The following ADAMTS1 variants were observed in gnomAD, a reference collection of about 807,000 sequenced individuals.
ADAMTS1 encodes ADAM metallopeptidase with thrombospondin type 1 motif 1, also known as A disintegrin and metalloproteinase with thrombospondin motifs 1.
In ADAMTS1, 19 loss-of-function variants were observed where a neutral mutation model predicts 87.9. The ratio of observed to expected loss-of-function variants is 0.22; its 90% CI spans 0.15 to 0.32. The LOEUF is 0.32. ADAMTS1 is among the 10% of genes least tolerant of loss of function. The pLI, the probability that ADAMTS1 is intolerant of heterozygous loss-of-function variation, is 1.00. For synonymous variants in ADAMTS1, 542 were observed against 501.8 expected (o/e 1.08, Z -1.07); for missense variants, 1,240 against 1,259.1 (o/e 0.98, Z 0.23).
intron 2 of ADAMTS1, 59 bp from the exon 3 acceptor site, chr21:26,842,049 C>CT: frequency 6.4e-7 from 1 of 1,567,912 alleles, no homozygotes; most frequent in Non-Finnish European, 8.6e-7. Context: ...TGGGATCTAA[C>CT]TTTTTTGGCA....
intron 7 of ADAMTS1, 102 bp from the exon 8 acceptor site, chr21:26,838,716 T>C (rs1405389588): frequency 3.5e-6 from 4 of 1,145,390 alleles, no homozygotes; most frequent in East Asian, 2.5e-5. Flanking sequence ...ACCATGCTAA[T>C]TAAACACAGT....
Position 26,837,858 on chromosome 21 carries a change from C to T in ADAMTS1, c.2625G>A (p.Gln875=), listed in dbSNP as rs776514634. ...ECSKSCELGW[Q]RRLVECRDIN... Reference sequence around the variant, plus strand: ...TGTCTCGGCATTCTACCAGTCTTCTCTGCCAACCCAATTCACATGACTTAG... The same window carrying T: ...TGTCTCGGCATTCTACCAGTCTTCTTTGCCAACCCAATTCACATGACTTAG... The change falls in exon 9 of 9, where the codon CAG becomes CAA. Residue 875 remains glutamine, a synonymous_variant. Coordinates refer to ENST00000284984, the MANE Select transcript of ADAMTS1 (RefSeq NM_006988.5). 19 of 1,614,228 alleles carry T rather than the reference C, an allele frequency of 1.2e-5. 1 individual carries two copies. The South Asian group carries it at 2.1e-4, about 18-fold the overall frequency.
At chr21:26,841,320 A>T (rs1299094308) in intron 3 of ADAMTS1, 155 bp from the exon 4 acceptor site, 2 of 706,402 alleles carry the variant, frequency 2.8e-6, no homozygotes, top group African/African-American at 3.6e-5. Flanking sequence ...CTCTACTAAA[A>T]ATACAAAAAT....
rs1356055008 is a variant in ADAMTS1 at position 26,836,979 on chromosome 21, T to A, written c.*600A>T. ...GTCCAAAAAAGGAAAGAGGAAGCCA[T>A]TTGCGTTATTTCACGTTGCTGAGCC... is the stretch of plus-strand genomic sequence containing the variant. On this transcript the variant is annotated 3_prime_UTR_variant, in exon 9 of 9. Transcript: ENST00000284984. 1 of 152,208 alleles carries A rather than the reference T, an allele frequency of 6.6e-6. No individual in the cohort carries two copies. The highest frequency in any genetic ancestry group is 1.9e-4 in the East Asian group (1 of 5,172). The allele number at this position is 152,208 out of a possible 1,614,324, so 9.4% of individuals were successfully genotyped here. A position where few individuals can be genotyped will look rare whatever the true frequency, so the allele number is the denominator to read the frequency against.
chr21:26,838,142 C>T lies in ADAMTS1; in HGVS notation c.2341G>A (p.Gly781Ser). ...TCTAAGGTGGACAAAGTGTAGTCAC[C>T]ATTAAGAATATATGTGCCATCAGCA... ...KAADGTYILN[G>S]DYTLSTLEQD... The change falls in exon 9 of 9, where the codon GGT (glycine) becomes AGT (serine). Residue 781 changes from glycine (G) to serine (S), a missense_variant. Transcript: ENST00000284984. The T allele has an allele frequency of 1.2e-6, 2 of 1,614,078 alleles. No homozygotes were observed. Among genetic ancestry groups the T allele is most frequent in the Non-Finnish European group, 1.7e-6 (2 of 1,180,016 alleles).
rs754127299 is a variant in ADAMTS1 at position 26,842,587 on chromosome 21, C to T, written c.829G>A (p.Gly277Ser). 1.9e-6 allele frequency: 3 copies of T among 1,614,102 alleles called. No individual in the cohort carries two copies. The highest frequency in any genetic ancestry group is 2.5e-6 in the Non-Finnish European group (3 of 1,180,022). The change falls in exon 2 of 9, where the codon GGT (glycine) becomes AGT (serine). Residue 277 changes from glycine (G) to serine (S), a missense_variant. Physicochemically the swap from Gly to Ser is moderately conservative, Grantham distance 56 (BLOSUM62 0). Transcript: ENST00000284984. ...AACGTGAGAAGGTAATGCTTTAGAC[C>T]ACTGCCGTGGAATTCTGCCATCGAC... ...DQSMAEFHGSGLKHYLLTLFS... is the reference protein window; with the variant it reads ...DQSMAEFHGSSLKHYLLTLFS...
In ADAMTS1 at chr21:26,838,096, C is replaced by T. The variant is rs200359459; in HGVS notation, c.2387G>A (p.Gly796Asp). The change falls in exon 9 of 9, where the codon GGT becomes GAT. Residue 796 changes from glycine to aspartate, a missense_variant. Coordinates refer to ENST00000284984, the MANE Select transcript of ADAMTS1 (RefSeq NM_006988.5). ...STLEQDIMYK[G>D]VVLRYSGSSA... is the part of the protein sequence containing the mutation. ...GGAGCCGCTGTACCTCAAGACAACA[C>T]CTTTGTACATAATGTCTTGCTCTAA... 1 of 1,614,024 alleles carries T rather than the reference C, an allele frequency of 6.2e-7. No homozygotes were observed. Among genetic ancestry groups the T allele is most frequent in the Non-Finnish European group, 8.5e-7 (1 of 1,180,034 alleles).
In ADAMTS1 at chr21:26,840,486, G is replaced by A; in HGVS notation, c.1455C>T (p.Asn485=). The change falls in exon 5 of 9, where the codon AAC becomes AAT. Residue 485 remains asparagine, a synonymous_variant. Transcript: ENST00000284984. ...CCCCAAATGTAAACTGGCACTGCCG[G>A]TTGGCATCGTACGAGGTGCCAGGGA... The part of the protein sequence containing the change: ...GDLPGTSYDA[N]RQCQFTFGED... The A allele has an allele frequency of 8.1e-6, 13 of 1,614,248 alleles. No individual in the cohort carries two copies. The highest frequency in any genetic ancestry group is 1.0e-5 in the Non-Finnish European group (12 of 1,180,050).
Position 26,842,373 on chromosome 21 carries a change from T to C in ADAMTS1, c.1043A>G (p.Glu348Gly). 6.2e-7 allele frequency: 1 copy of C among 1,614,204 alleles called. No individual in the cohort carries two copies. The highest frequency in any genetic ancestry group is 8.5e-7 in the Non-Finnish European group (1 of 1,180,042). Residue 348 changes from glutamate (E) to glycine (G), a missense_variant, in exon 2 of 9, where the codon GAG becomes GGG. Glu to Gly is a moderately conservative substitution (Grantham distance 98). Transcript: ENST00000284984. ...QHNPPSDRDA[E>G]HYDTAILFTR... The stretch of plus-strand genomic sequence containing the variant: ...GAAAAGAATTGCTGTGTCATAGTGC[T>C]CTGCATCCCGGTCACTGGGTGGGTT...
rs1298983259 is a variant in ADAMTS1 at position 26,836,936 on chromosome 21, CAAAT to C, written c.*639_*642del. The C allele has an allele frequency of 1.3e-5, 2 of 152,068 alleles. No homozygotes were observed. The highest frequency in any genetic ancestry group is 4.8e-5 in the African/African-American group (2 of 41,378). The allele number at this position is 152,068 out of a possible 1,614,324, so 9.4% of individuals were successfully genotyped here. A position where few individuals can be genotyped will look rare whatever the true frequency, so the allele number is the denominator to read the frequency against. Reference sequence around the variant, plus strand: ...TGTTTTTTCCTCAAAATGAATTACACAAATAAAGACTGAGATGGTCCAAAAAAGG... The same window carrying C: ...TGTTTTTTCCTCAAAATGAATTACACAAAGACTGAGATGGTCCAAAAAAGG... On this transcript the variant is annotated 3_prime_UTR_variant, in exon 9 of 9. Coordinates refer to ENST00000284984, the MANE Select transcript of ADAMTS1 (RefSeq NM_006988.5).
At chr21:26,839,066 G>A (rs1287129617) in intron 7 of ADAMTS1, 1 of 160,468 alleles carries the variant, frequency 6.2e-6, no homozygotes, top group Non-Finnish European at 1.4e-5. Context: ...CTCAGATCCA[G>A]ATGTATTCCC....
chr21:26,842,047 A>G, intron 2 of ADAMTS1, 57 bp from the exon 3 acceptor site: 1 of 1,571,244 alleles, frequency 6.4e-7, no homozygotes, highest in South Asian at 1.2e-5. Context: ...CTTGGGATCT[A>G]ACTTTTTTGG....
chr21:26,840,178 G>A (rs945000169), intron 5 of ADAMTS1, 98 bp downstream of exon 5: 3 of 1,555,920 alleles, frequency 1.9e-6, no homozygotes, highest in East Asian at 2.3e-5. Context: ...TCGCATTCCT[G>A]CTAGAGGACA....
In ADAMTS1 at chr21:26,844,709, G is replaced by C; in HGVS notation, c.246C>G (p.Asp82Glu). The C allele has an allele frequency of 6.3e-7, 1 of 1,587,956 alleles. No individual in the cohort carries two copies. The highest frequency in any genetic ancestry group is 8.6e-7 in the Non-Finnish European group (1 of 1,166,738). ...GCCGCAGCTCCAGATCCAGCTGCTG[G>C]TCAAAGGCGTGCAGGCGGAGGCGCG... is the stretch of plus-strand genomic sequence containing the variant. ...GTTRLRLHAF[D>E]QQLDLELRPD... Residue 82 changes from aspartate to glutamate, a missense_variant, in exon 1 of 9, where the codon GAC (aspartate) becomes GAG (glutamate). Asp to Glu is a conservative substitution (Grantham distance 45, BLOSUM62 2). Coordinates refer to ENST00000284984, the MANE Select transcript of ADAMTS1 (RefSeq NM_006988.5).
At position 26,844,895 on chromosome 21, in the gene ADAMTS1, G is replaced by T. The variant is rs765069996; in HGVS notation, c.60C>A (p.Asn20Lys). The T allele has an allele frequency of 5.2e-6, 8 of 1,532,240 alleles. No homozygotes were observed. Among genetic ancestry groups the T allele is most frequent in the Non-Finnish European group, 7.0e-6 (8 of 1,140,572 alleles). 94.9% of individuals were successfully genotyped at this position (1,532,240 alleles called of 1,614,324 possible). Reference protein sequence around the residue: ...GRRKLGSDMGNAERAPGSRSF... With the variant: ...GRRKLGSDMGKAERAPGSRSF... The stretch of plus-strand genomic sequence containing the variant: ...TCCGAGACCCCGGAGCCCGCTCCGC[G>T]TTCCCCATGTCGCTGCCCAGCTTGC... The change falls in exon 1 of 9, where the codon AAC becomes AAA. Residue 20 changes from asparagine to lysine, a missense_variant. Around this residue, in one of 3 missense-constraint regions of ADAMTS1, gnomAD observed 521 missense variants for 449.7 expected, o/e 1.16. Transcript: ENST00000284984.
rs571770409 is a variant in ADAMTS1, at chr21:26,843,115, G to T, written c.731-430C>A. 1,080 of 270,924 alleles carry T rather than the reference G, an allele frequency of 4.0e-3. 6 individuals are homozygous for T. The highest frequency in any genetic ancestry group is 0.012 in the Middle Eastern group (9 of 778). 16.8% of individuals were successfully genotyped at this position (270,924 alleles called of 1,614,324 possible). On this transcript the variant is annotated intron_variant, in intron 1 of 8. Coordinates refer to ENST00000284984, the MANE Select transcript of ADAMTS1 (RefSeq NM_006988.5). ...ACGTGGAAGGCCTCGGGTAGGGCCT[G>T]GGCTGCTGCCAAGGGGCCGGGCCTT...
In ADAMTS1 at chr21:26,836,700, G is replaced by A. The variant is rs1044046705; in HGVS notation, c.*879C>T. On this transcript the variant is annotated 3_prime_UTR_variant, in exon 9 of 9. Coordinates refer to ENST00000284984, the MANE Select transcript of ADAMTS1 (RefSeq NM_006988.5). ...CTACACACCTCATTTTTGTTCCGGC[G>A]TTTCATCCTCCTTGTGTGATTGTAC... The A allele has an allele frequency of 3.9e-5, 6 of 152,394 alleles. No homozygotes were observed. Among genetic ancestry groups the A allele is most frequent in the East Asian group, 1.9e-4 (1 of 5,184 alleles). The allele number at this position is 152,394 out of a possible 1,614,324, so 9.4% of individuals were successfully genotyped here. A position where few individuals can be genotyped will look rare whatever the true frequency, so the allele number is the denominator to read the frequency against.
At chr21:26,843,668 T>G in intron 1 of ADAMTS1, 2 of 470,316 alleles carry the variant, frequency 4.3e-6, no homozygotes, top group East Asian at 1.3e-4. Flanking sequence ...TCAGCCCGCC[T>G]GGGTCAGCCT....
At chr21:26,839,465 T>A in intron 7 of ADAMTS1, 122 bp downstream of exon 7, 2 of 905,112 alleles carry the variant, frequency 2.2e-6, no homozygotes, top group Non-Finnish European at 1.6e-6. Flanking sequence ...AGAAAAGGAG[T>A]TCAAATTTGA....
Sources: allele counts gnomAD v4.1 joint callset, GRCh38; gene constraint gnomAD v4.1.1; regional missense constraint gnomAD v4.1.1; transcripts MANE v1.5; gene names NCBI Gene and HGNC (gene_info 2026-07-23, HGNC 2026-07-21).